PLB1: variants seen among roughly 807,000 people sequenced by gnomAD.
PLB1 encodes the protein phospholipase B1.
In PLB1, 242 loss-of-function variants were observed where a neutral mutation model predicts 227.4. The observed-to-expected ratio is 1.06, with a 90% confidence interval of 0.96 to 1.18. PLB1 has a LOEUF of 1.18. PLB1 is among the 50% of genes most tolerant of loss of function. The probability of loss-of-function intolerance (pLI) is 0.00; values close to 1 mark genes in which losing one functional copy is unlikely to be tolerated. For missense variants in PLB1, 1,858 were observed against 1,816.3 expected, an observed-to-expected ratio of 1.02 and a Z score of -0.42; for synonymous variants, 757 against 682.2, an observed-to-expected ratio of 1.11 and a Z score of -1.71.
intron 24 of PLB1, 135 bp from the exon 25 acceptor site, chr2:28,582,270 G>T (rs1046863100): frequency 8.3e-7 from 1 of 1,209,812 alleles, no homozygotes; most frequent in African/African-American, 1.5e-5. Context: ...GGGGGAGCAG[G>T]GACGGGTGGA....
intron 35 of PLB1, among the ~76,000 whole-genome samples, chr2:28,599,546 G>A (rs11901505): frequency 3.3e-5 from 5 of 150,786 alleles, no homozygotes; most frequent in Admixed American, 6.6e-5. Flanking sequence ...TCCCACCCAG[G>A]TCTATAACGG....
intron 6 of PLB1, among the ~76,000 whole-genome samples, chr2:28,528,043 G>T (rs889616400): frequency 6.6e-5 from 10 of 152,156 alleles, no homozygotes; most frequent in African/African-American, 2.4e-4. Context: ...CCAATCGGGG[G>T]TTAGAGAATG....
At chr2:28,597,913 G>T in intron 33 of PLB1, 92 bp from the exon 34 acceptor site, 1 of 1,269,562 alleles carries the variant, frequency 7.9e-7, no homozygotes. Flanking sequence ...TGGGCACTAA[G>T]AAGGGTGGGG....
chr2:28,593,531 G>A, intron 32 of PLB1, 150 bp from the exon 33 acceptor site: 1 of 661,630 alleles, frequency 1.5e-6, no homozygotes, highest in Non-Finnish European at 2.7e-6. Flanking sequence ...GAGGAGGATG[G>A]CAGACTTAGA....
At chr2:28,640,420 G>A (rs529579295) in intron 56 of PLB1, among the ~76,000 whole-genome samples, 10 of 152,286 alleles carry the variant, frequency 6.6e-5, no homozygotes, top group South Asian at 2.1e-4. Flanking sequence ...GAGAAACTCC[G>A]ATTTCCTAAG....
At chr2:28,601,226 TCAAG>T in intron 36 of PLB1, 22 bp from the exon 37 acceptor site, 2 of 1,570,956 alleles carry the variant, frequency 1.3e-6, no homozygotes, top group Non-Finnish European at 8.8e-7. Flanking sequence ...TTGGAAATTA[TCAAG>T]CATTTTCCTC....
chr2:28,604,772 C>T lies in PLB1; in HGVS notation c.2961+13C>T. ...CCCTGTCCTGGCGGTATGTCCCCTG[C>T]CCTCACCCATGGTACTCTTTTAGAG... is the stretch of plus-strand genomic sequence containing the variant. On this transcript the variant is annotated intron_variant, in intron 41 of 57. Transcript: ENST00000327757. 6.2e-7 allele frequency: 1 copy of T among 1,608,756 alleles called. No homozygotes were observed. The highest frequency in any genetic ancestry group is 8.5e-7 in the Non-Finnish European group (1 of 1,175,808).
Position 28,565,220 on chromosome 2 carries a change from A to G in PLB1, c.1207-60A>G. 3 of 1,456,898 alleles carry G rather than the reference A, an allele frequency of 2.1e-6. No individual in the cohort carries two copies. In the South Asian group the frequency reaches 3.6e-5, roughly 17 times the overall value. The allele number at this position is 1,456,898 out of a possible 1,614,324, so 90.2% of individuals were successfully genotyped here. On this transcript the variant is annotated intron_variant, in intron 18 of 57. Transcript: ENST00000327757. ...TAAGAACATAGACCTTTTGGCAGGT[A>G]GGCAGAGGTGGGCCACTGGGGAAAG...
chr2:28,617,296 T>C (rs1686326587), intron 44 of PLB1, among the ~76,000 whole-genome samples: 1 of 152,238 alleles, frequency 6.6e-6, no homozygotes, highest in Non-Finnish European at 1.5e-5. Context: ...GGTTCTACCA[T>C]TATAATTAGT....
At chr2:28,639,208 T>C (rs557702915) in intron 56 of PLB1, among the ~76,000 whole-genome samples, 7 of 150,418 alleles carry the variant, frequency 4.7e-5, no homozygotes, top group African/African-American at 1.5e-4. Context: ...AGAAGGAGAG[T>C]GTGGAGGTAG....
intron 21 of PLB1, 85 bp from the exon 22 acceptor site, chr2:28,578,022 C>A: frequency 7.4e-7 from 1 of 1,360,542 alleles, no homozygotes; most frequent in Non-Finnish European, 1.0e-6. Flanking sequence ...CCTTCCTCCA[C>A]CATACATTTG....
intron 4 of PLB1, among the ~76,000 whole-genome samples, chr2:28,524,071 C>G (rs1416494163): frequency 6.6e-6 from 1 of 152,200 alleles, no homozygotes; most frequent in East Asian, 1.9e-4. Context: ...CCTGTCCTAC[C>G]TGGAGAGCTG....
Position 28,525,323 on chromosome 2 carries a change from A to G in PLB1, c.284+16A>G. ...AGCAAGACTGGTAACTATCCTGAAA[A>G]CACAGAAAACAGAAAGGAGCCCGGA... On this transcript the variant is annotated intron_variant, in intron 5 of 57. Transcript: ENST00000327757. 1 of 1,612,496 alleles carries G rather than the reference A, an allele frequency of 6.2e-7. No homozygotes were observed. Among genetic ancestry groups the G allele is most frequent in the Non-Finnish European group, 8.5e-7 (1 of 1,179,032 alleles).
intron 33 of PLB1, 51 bp downstream of exon 33, chr2:28,593,805 G>A: frequency 2.6e-6 from 4 of 1,517,978 alleles, no homozygotes; most frequent in Middle Eastern, 1.7e-4. Flanking sequence ...ACAGAGATTA[G>A]GTGTGGCTTT....
chr2:28,547,481 A>G (rs1219715330), intron 14 of PLB1, among the ~76,000 whole-genome samples: 1 of 152,254 alleles, frequency 6.6e-6, no homozygotes, highest in Non-Finnish European at 1.5e-5. Flanking sequence ...GTCTGGCTGA[A>G]GAGCCAATTC....
intron 6 of PLB1, among the ~76,000 whole-genome samples, chr2:28,528,693 G>A (rs954960015): frequency 1.3e-5 from 2 of 152,172 alleles, no homozygotes; most frequent in East Asian, 1.9e-4. Context: ...AGATCATATT[G>A]CCCTGTGTTT....
At chr2:28,602,534 G>A (rs1684074341) in intron 38 of PLB1, among the ~76,000 whole-genome samples, 1 of 152,234 alleles carries the variant, frequency 6.6e-6, no homozygotes, top group African/African-American at 2.4e-5. Flanking sequence ...TAATTCTAAT[G>A]TATCTGGGCT....
Position 28,614,048 on chromosome 2 carries a change from AACCCCTCGGAATAGTAACTACACGT to A in PLB1, c.3153_3177del (p.Arg1052SerfsTer45). ...TCTCTTAGAATGAGCCCTTCCTGAG[AACCCCTCGGAATAGTAACTACACGT>A]ACCCCATCAAGCCAGCCATTGAGGT... On this transcript the variant is annotated frameshift_variant, in exon 44 of 58. Coordinates refer to ENST00000327757, the MANE Select transcript of PLB1 (RefSeq NM_153021.5). LOFTEE classifies it high-confidence loss of function. The A allele has an allele frequency of 6.2e-7, 1 of 1,612,906 alleles. No homozygotes were observed. Among genetic ancestry groups the A allele is most frequent in the South Asian group, 1.1e-5 (1 of 91,060 alleles).
intron 56 of PLB1, 134 bp downstream of exon 56, chr2:28,633,173 G>A (rs1573581631): frequency 3.0e-6 from 2 of 665,452 alleles, no homozygotes; most frequent in Non-Finnish European, 5.1e-6. Context: ...ACACCTTATT[G>A]GTCCTGATAG....
Sources: allele counts gnomAD v4.1 joint callset (sites outside exome capture counted in the v4.1 genomes callset), GRCh38; gene constraint gnomAD v4.1.1; transcripts MANE v1.5; gene names NCBI Gene and HGNC (gene_info 2026-07-23, HGNC 2026-07-21).